Variants in ASTN1 observed in about 807,000 individuals in gnomAD.
The protein encoded by ASTN1 is astrotactin-1.
ASTN1 carries 41 observed loss-of-function variants against 140.7 expected under a neutral mutation model. The ratio of observed to expected loss-of-function variants is 0.29; its 90% confidence interval spans 0.23 to 0.38. The LOEUF (loss-of-function observed/expected upper bound fraction) is 0.38. ASTN1 is among the 10% of genes least tolerant of loss of function. The probability of loss-of-function intolerance (pLI) is 1.00; values close to 1 mark genes in which losing one functional copy is unlikely to be tolerated. For missense variants in ASTN1, 1,479 were observed against 1,678.8 expected (o/e 0.88, Z 2.08); for synonymous variants, 640 against 652.2 (o/e 0.98, Z 0.29).
intron 14 of ASTN1, among the ~76,000 whole-genome samples, chr1:176,938,194 C>T (rs1000937339): frequency 1.3e-5 from 2 of 152,156 alleles, no homozygotes; most frequent in African/African-American, 2.4e-5. Flanking sequence ...TTAACTTCTA[C>T]GTTAACTTCA....
At position 176,921,150 on chromosome 1, in the gene ASTN1, C is replaced by A. The variant is rs138496127; in HGVS notation, c.2671+13002G>T. Reference sequence around the variant, plus strand: ...AAAATGATGTCACTGCCCTCATTTTCAAAAAATGAGTTACTTACCTGATTC... The same window carrying A: ...AAAATGATGTCACTGCCCTCATTTTAAAAAAATGAGTTACTTACCTGATTC... On this transcript the variant is annotated intron_variant, in intron 16 of 22. Coordinates refer to ENST00000361833, the MANE Select transcript of ASTN1 (RefSeq NM_004319.3). 2.9e-3 allele frequency among the ~76,000 whole-genome samples: 446 copies of A among 152,220 alleles called. 1 individual carries two copies. Among genetic ancestry groups the A allele is most frequent in the African/African-American group, 9.9e-3 (413 of 41,546 alleles).
At chr1:177,164,313 G>C in intron 1 of ASTN1, 81 bp downstream of exon 1, 1 of 1,382,164 alleles carries the variant, frequency 7.2e-7, no homozygotes, top group Non-Finnish European at 9.7e-7. Flanking sequence ...GTCGGCGAGT[G>C]GGTGTGTAGA....
At position 176,946,031 on chromosome 1, in the gene ASTN1, C is replaced by G. The variant is rs202163703; in HGVS notation, c.2144G>C (p.Ser715Thr). 277 of 1,614,150 alleles carry G rather than the reference C, an allele frequency of 1.7e-4. 1 individual carries two copies. In the East Asian group the frequency reaches 2.6e-3, roughly 15 times the overall value. The change falls in exon 13 of 23, where the codon AGC becomes ACC. Residue 715 changes from serine to threonine, a missense_variant. Coordinates refer to ENST00000361833, the MANE Select transcript of ASTN1 (RefSeq NM_004319.3). ...TCPEGSDCGE[S>T]RELPMNQTLF... ...GGTCTGGTTCATGGGAAGCTCCCTGCTTTCCCCACAGTCACTTCCCTCTGG... is the reference window on the plus strand; with the variant it reads ...GGTCTGGTTCATGGGAAGCTCCCTGGTTTCCCCACAGTCACTTCCCTCTGG...
At chr1:176,894,525 T>C in intron 17 of ASTN1, 37 bp downstream of exon 17, 1 of 1,603,392 alleles carries the variant, frequency 6.2e-7, no homozygotes, top group Non-Finnish European at 8.5e-7. Context: ...CTGTTGTGGT[T>C]GACGCCTCCC....
At chr1:176,869,384 ACT>A (rs916443276) in intron 21 of ASTN1, among the ~76,000 whole-genome samples, 6 of 151,966 alleles carry the variant, frequency 3.9e-5, no homozygotes, top group Non-Finnish European at 8.8e-5. Flanking sequence ...CTTTGACTAG[ACT>A]CTCTCTAAGG....
chr1:176,935,914 C>T (rs564328371), intron 15 of ASTN1: 51 of 355,100 alleles, frequency 1.4e-4, no homozygotes, highest in South Asian at 6.1e-4. Context: ...CTAAATTATG[C>T]TCTTTGCATT....
At chr1:177,131,362 A>G (rs1681932785) in intron 1 of ASTN1, among the ~76,000 whole-genome samples, 1 of 152,188 alleles carries the variant, frequency 6.6e-6, no homozygotes, top group Non-Finnish European at 1.5e-5. Context: ...AAAAAAAGTG[A>G]AATTTCAGTA....
At chr1:177,028,114 T>C (rs1160128601) in intron 5 of ASTN1, among the ~76,000 whole-genome samples, 1 of 152,150 alleles carries the variant, frequency 6.6e-6, no homozygotes, top group Non-Finnish European at 1.5e-5. Flanking sequence ...GTCTGGTTAA[T>C]AGCGTAAAAA....
chr1:177,105,023 T>A (rs929128250), intron 1 of ASTN1, among the ~76,000 whole-genome samples: 1 of 152,144 alleles, frequency 6.6e-6, no homozygotes, highest in African/African-American at 2.4e-5. Flanking sequence ...ATAGACAGCG[T>A]GGAGACTCAC....
rs1294617046 is a variant in ASTN1 at position 177,005,611 on chromosome 1, G to GT, written c.1523+9179dup. On this transcript the variant is annotated intron_variant, in intron 8 of 22. Transcript: ENST00000361833. ...CAACTGATGAGTGAATAAAGAAAAT[G>GT]TTTTTTATATATATAATACATATTC... 3.9e-5 allele frequency among the ~76,000 whole-genome samples: 6 copies of GT among 152,112 alleles called. No individual in the cohort carries two copies. The East Asian group carries it at 1.2e-3, about 29-fold the overall frequency.
intron 1 of ASTN1, among the ~76,000 whole-genome samples, chr1:177,073,744 G>A (rs1418931297): frequency 6.6e-6 from 1 of 151,108 alleles, no homozygotes; most frequent in Non-Finnish European, 1.5e-5. Flanking sequence ...TCAGGAAACC[G>A]AAATCTGAGG....
intron 8 of ASTN1, among the ~76,000 whole-genome samples, chr1:177,001,730 G>C (rs141153669): frequency 3.3e-5 from 5 of 152,144 alleles, no homozygotes; most frequent in African/African-American, 1.2e-4. Context: ...TGAAATAGGT[G>C]GTTACTCCCA....
At chr1:177,014,929 T>G in intron 7 of ASTN1, 54 bp from the exon 8 acceptor site, 1 of 1,476,542 alleles carries the variant, frequency 6.8e-7, no homozygotes, top group Non-Finnish European at 9.4e-7. Flanking sequence ...TTGATTAACA[T>G]GTCTGTGTTT....
intron 1 of ASTN1, among the ~76,000 whole-genome samples, chr1:177,123,228 C>T (rs1681485930): frequency 6.6e-6 from 1 of 152,116 alleles, no homozygotes. Context: ...CCTCTCAGTA[C>T]AGGTGATGGC....
intron 4 of ASTN1, among the ~76,000 whole-genome samples, chr1:177,030,417 C>T (rs73045478): frequency 0.023 from 3,444 of 152,156 alleles, 141 homozygotes; most frequent in African/African-American, 0.077. Context: ...AAATATAGAT[C>T]TATATTGTTT....
At chr1:177,065,674 G>C (rs528002793) in intron 1 of ASTN1, among the ~76,000 whole-genome samples, 6 of 152,192 alleles carry the variant, frequency 3.9e-5, no homozygotes, top group Non-Finnish European at 7.3e-5. Flanking sequence ...TAAGCTGCAG[G>C]GGGGATGAGG....
chr1:177,118,708 T>C (rs227524), intron 1 of ASTN1, among the ~76,000 whole-genome samples: 39,001 of 152,058 alleles, frequency 0.26, 7,707 homozygotes, highest in African/African-American at 0.56. Flanking sequence ...CCTCTCAGGC[T>C]CCATGGCATT....
chr1:177,152,270 T>G (rs1462994036), intron 1 of ASTN1, among the ~76,000 whole-genome samples: 1 of 152,112 alleles, frequency 6.6e-6, no homozygotes, highest in Non-Finnish European at 1.5e-5. Flanking sequence ...AATTTTCTTG[T>G]ATTTAGAACT....
chr1:177,001,738 C>T (rs1674736361), intron 8 of ASTN1, among the ~76,000 whole-genome samples: 1 of 152,152 alleles, frequency 6.6e-6, no homozygotes, highest in Admixed American at 6.5e-5. Flanking sequence ...GTGGTTACTC[C>T]CACACCTGCA....
Sources: allele counts gnomAD v4.1 joint callset (sites outside exome capture counted in the v4.1 genomes callset), GRCh38; gene constraint gnomAD v4.1.1; transcripts MANE v1.5; gene names NCBI Gene and HGNC (gene_info 2026-07-23, HGNC 2026-07-21).